Variants in MEGF11 observed in about 807,000 individuals in gnomAD.
MEGF11 encodes the protein multiple epidermal growth factor-like domains protein 11.
MEGF11 carries 126 observed loss-of-function variants against 146.6 expected under a neutral mutation model. That is an observed-to-expected ratio of 0.86 (90% CI 0.74 to 1.00). The LOEUF is 1.00. Among genes scored for constraint, MEGF11 ranks in the 50% least tolerant of loss-of-function variants. The pLI, the probability that MEGF11 is intolerant of heterozygous loss-of-function variation, is 0.00. For synonymous variants in MEGF11, 532 were observed against 583.4 expected (o/e 0.91, Z 1.27); for missense variants, 1,509 against 1,521.2 (o/e 0.99, Z 0.13).
At chr15:66,125,168 G>A (rs974902254) in intron 2 of MEGF11, among the ~76,000 whole-genome samples, 50 of 152,210 alleles carry the variant, frequency 3.3e-4, no homozygotes, top group Admixed American at 2.9e-3. Flanking sequence ...AGAGGCCTGG[G>A]TGGTGGGAAA....
At chr15:65,915,993 A>T (rs2078984967) in intron 18 of MEGF11, among the ~76,000 whole-genome samples, 155 bp downstream of exon 18, 2 of 152,224 alleles carry the variant, frequency 1.3e-5, no homozygotes, top group South Asian at 4.1e-4. Context: ...TGTAGGCATG[A>T]CCTTCCTCAG....
In MEGF11 at chr15:65,964,889, GC is replaced by G; in HGVS notation, c.1112+18del. 6.8e-7 allele frequency: 1 copy of G among 1,460,544 alleles called. No individual in the cohort carries two copies. The highest frequency in any genetic ancestry group is 9.1e-7 in the Non-Finnish European group (1 of 1,099,768). 90.5% of individuals were successfully genotyped at this position (1,460,544 alleles called of 1,614,324 possible). A position where few individuals can be genotyped will look rare whatever the true frequency, so the allele number is the denominator to read the frequency against. On this transcript the variant is annotated intron_variant, in intron 9 of 25. Coordinates refer to ENST00000395614, the MANE Select transcript of MEGF11 (RefSeq NM_001385028.1). ...CACCCCCCGCCCTTGTCCCGGGCTCGCCCATTCCCAGCTCATACCTGATGGT... is the reference window on the plus strand; with the variant it reads ...CACCCCCCGCCCTTGTCCCGGGCTCGCCATTCCCAGCTCATACCTGATGGT...
chr15:66,188,489 G>A (rs1323020840), intron 1 of MEGF11, among the ~76,000 whole-genome samples: 1 of 152,104 alleles, frequency 6.6e-6, no homozygotes, highest in African/African-American at 2.4e-5. Flanking sequence ...CACAGTGGAA[G>A]GCATTTAACC....
In MEGF11 at chr15:65,982,963, C is replaced by T. The variant is rs1293707556; in HGVS notation, c.395-475G>A. Among the ~76,000 whole-genome samples, 1 of 152,074 alleles carries T rather than the reference C, an allele frequency of 6.6e-6. No individual in the cohort carries two copies. Among genetic ancestry groups the T allele is most frequent in the Admixed American group, 6.6e-5 (1 of 15,260 alleles). Reference sequence around the variant, plus strand: ...ACCTGCGGGACCCAGCCCATTCCAGCTCCCATTTCTCTATCTTTCCTGCCC... The same window carrying T: ...ACCTGCGGGACCCAGCCCATTCCAGTTCCCATTTCTCTATCTTTCCTGCCC... On this transcript the variant is annotated intron_variant, in intron 5 of 25. Coordinates refer to ENST00000395614, the MANE Select transcript of MEGF11 (RefSeq NM_001385028.1). This position sits in a 1 kb window ranked among gnomAD's most constrained non-coding sequence, Gnocchi z 5.6.
At chr15:66,155,915 AG>A (rs1200658260) in intron 1 of MEGF11, among the ~76,000 whole-genome samples, 2 of 152,124 alleles carry the variant, frequency 1.3e-5, no homozygotes, top group Non-Finnish European at 2.9e-5. Flanking sequence ...CCCCTTTTCC[AG>A]GCATGTGGTG....
chr15:65,972,457 C>G (rs12161925), intron 7 of MEGF11, among the ~76,000 whole-genome samples: 1 of 152,184 alleles, frequency 6.6e-6, no homozygotes, highest in Non-Finnish European at 1.5e-5. Context: ...GCCTATAATT[C>G]TAGCACTTTG....
chr15:66,180,679 G>A (rs2090521980), intron 1 of MEGF11, among the ~76,000 whole-genome samples: 1 of 152,212 alleles, frequency 6.6e-6, no homozygotes, highest in Non-Finnish European at 1.5e-5. Flanking sequence ...CACTTTAGGG[G>A]AAACTGCAAG....
At chr15:65,912,377 A>T (rs71398242) in intron 20 of MEGF11, 177 bp from the exon 21 acceptor site, 5,625 of 391,646 alleles carry the variant, frequency 0.014, 64 homozygotes, top group Non-Finnish European at 0.018. Flanking sequence ...GGAGAGCCTG[A>T]TTTGCTCCTT....
Position 65,898,724 on chromosome 15 carries a change from C to G in MEGF11, c.3262+4G>C. The G allele has an allele frequency of 1.2e-6, 2 of 1,613,270 alleles. No individual in the cohort carries two copies. Among genetic ancestry groups the G allele is most frequent in the Non-Finnish European group, 1.7e-6 (2 of 1,179,634 alleles). On this transcript the variant is annotated splice_donor_region_variant and intron_variant, in intron 25 of 25. Coordinates refer to ENST00000395614, the MANE Select transcript of MEGF11 (RefSeq NM_001385028.1). ...TCACTAAGTTACTTATTTGAGACAC[C>G]TACCAACTTCATATATATTTTTATT...
intron 5 of MEGF11, among the ~76,000 whole-genome samples, chr15:66,081,873 C>G (rs887398851): frequency 4.6e-5 from 7 of 152,126 alleles, no homozygotes; most frequent in Non-Finnish European, 7.3e-5. Flanking sequence ...GGAGGTGGGA[C>G]CTGTGTCGAG....
intron 5 of MEGF11, among the ~76,000 whole-genome samples, chr15:66,060,896 A>T (rs1208620917): frequency 6.6e-6 from 1 of 152,270 alleles, no homozygotes; most frequent in African/African-American, 2.4e-5. Context: ...CATGAGGCCT[A>T]GCCTCTGTGG....
At chr15:65,986,793 C>CTTTTTTTT (rs34991788) in intron 5 of MEGF11, among the ~76,000 whole-genome samples, 2 of 121,332 alleles carry the variant, frequency 1.6e-5, no homozygotes, top group Non-Finnish European at 1.7e-5. Flanking sequence ...CTGATTTTTC[C>CTTTTTTTT]TTTTTTTTTT....
At position 66,253,611 on chromosome 15, in the gene MEGF11, C is replaced by T. The variant is rs2092407426; in HGVS notation, c.-15G>A. 6.6e-6 allele frequency: 1 copy of T among 152,110 alleles called. No homozygotes were observed. Among genetic ancestry groups the T allele is most frequent in the Non-Finnish European group, 1.5e-5 (1 of 68,010 alleles). 9.4% of individuals were successfully genotyped at this position (152,110 alleles called of 1,614,324 possible). A position where few individuals can be genotyped will look rare whatever the true frequency, so the allele number is the denominator to read the frequency against. On this transcript the variant is annotated 5_prime_UTR_variant, in exon 1 of 26. Coordinates refer to ENST00000395614, the MANE Select transcript of MEGF11 (RefSeq NM_001385028.1). ...TCCCCACTCAGCCACCTACCTGCTCCCGCGGCCGGCCCAGGGATCGGCCGG... is the reference window on the plus strand; with the variant it reads ...TCCCCACTCAGCCACCTACCTGCTCTCGCGGCCGGCCCAGGGATCGGCCGG...
intron 5 of MEGF11, among the ~76,000 whole-genome samples, chr15:66,064,937 G>A (rs1281365940): frequency 1.3e-5 from 2 of 152,186 alleles, no homozygotes; most frequent in Non-Finnish European, 2.9e-5. Context: ...AGAGCCTGGA[G>A]CTCCCACCCC....
intron 1 of MEGF11, among the ~76,000 whole-genome samples, chr15:66,226,482 A>G (rs1219824073): frequency 2.6e-5 from 4 of 152,064 alleles, no homozygotes; most frequent in Non-Finnish European, 4.4e-5. Context: ...TCCTGACCTC[A>G]AGGGATTCAC....
chr15:66,123,238 G>A (rs1168063375), intron 3 of MEGF11, among the ~76,000 whole-genome samples: 2 of 152,206 alleles, frequency 1.3e-5, no homozygotes, highest in Admixed American at 1.3e-4. Context: ...AAGGGTACAA[G>A]ACTGCCATGT....
intron 1 of MEGF11, among the ~76,000 whole-genome samples, chr15:66,189,120 G>T (rs999561555): frequency 3.3e-5 from 5 of 152,182 alleles, no homozygotes; most frequent in African/African-American, 1.2e-4. Flanking sequence ...ATGCAAATTA[G>T]AATTATTTAA....
At chr15:66,050,773 T>C (rs2084417101) in intron 5 of MEGF11, among the ~76,000 whole-genome samples, 1 of 152,192 alleles carries the variant, frequency 6.6e-6, no homozygotes, top group Non-Finnish European at 1.5e-5. Flanking sequence ...TCCACACATC[T>C]TCCCAGCCAG....
chr15:66,203,081 A>C (rs2091208535), intron 1 of MEGF11, among the ~76,000 whole-genome samples: 1 of 152,028 alleles, frequency 6.6e-6, no homozygotes, highest in Non-Finnish European at 1.5e-5. Flanking sequence ...CAGATCCTGG[A>C]CTCACAAAAG....
Sources: allele counts gnomAD v4.1 joint callset (sites outside exome capture counted in the v4.1 genomes callset), GRCh38; gene constraint gnomAD v4.1.1; non-coding constraint Gnocchi (gnomAD v3.1); transcripts MANE v1.5; gene names NCBI Gene and HGNC (gene_info 2026-07-23, HGNC 2026-07-21).